Variants in DOCK2 observed in about 807,000 individuals in gnomAD.
The protein encoded by DOCK2 is dedicator of cytokinesis protein 2.
Under a neutral mutation model 248.9 loss-of-function variants are expected in DOCK2, and 87 were observed. The ratio of observed to expected loss-of-function variants is 0.35; its 90% CI spans 0.29 to 0.42. The LOEUF is 0.42. Ranked by LOEUF, DOCK2 falls within the 10% of genes least tolerant of loss-of-function variation. The pLI is 1.00. For synonymous variants in DOCK2, 805 were observed against 821.6 expected (o/e 0.98, Z 0.35); for missense variants, 1,747 against 2,300.2 (o/e 0.76, Z 4.92).
At chr5:169,676,654 G>A (rs1205936853) in intron 6 of DOCK2, among the ~76,000 whole-genome samples, 1 of 148,898 alleles carries the variant, frequency 6.7e-6, no homozygotes, top group Admixed American at 6.6e-5. Flanking sequence ...CCCAGCGTCT[G>A]GGCCAAGTGT....
intron 27 of DOCK2, among the ~76,000 whole-genome samples, chr5:169,843,562 G>A (rs1207983026): frequency 6.6e-6 from 1 of 152,170 alleles, no homozygotes; most frequent in Non-Finnish European, 1.5e-5. Context: ...CAGTTTTATT[G>A]AAGTATAGTT....
chr5:169,934,954 C>T, intron 27 of DOCK2: 1 of 290,004 alleles, frequency 3.4e-6, no homozygotes, highest in Non-Finnish European at 6.8e-6. Context: ...TTGTGCTATG[C>T]TGGATACAAT....
At chr5:169,808,421 A>C (rs1464565854) in intron 26 of DOCK2, among the ~76,000 whole-genome samples, 1 of 151,610 alleles carries the variant, frequency 6.6e-6, no homozygotes, top group African/African-American at 2.4e-5. Flanking sequence ...CCTGGGTGTC[A>C]TGGTAGGACT....
intron 2 of DOCK2, among the ~76,000 whole-genome samples, chr5:169,660,256 C>T (rs1758367230): frequency 6.6e-6 from 1 of 152,122 alleles, no homozygotes; most frequent in African/African-American, 2.4e-5. Flanking sequence ...ATTGCTTGAG[C>T]CCAGGAGTTC....
At chr5:169,908,155 C>T (rs1051406973) in intron 27 of DOCK2, among the ~76,000 whole-genome samples, 3 of 152,130 alleles carry the variant, frequency 2.0e-5, no homozygotes, top group African/African-American at 7.2e-5. Context: ...TCACTAATGC[C>T]AGAAAGGAAT....
At chr5:169,812,656 G>A (rs1049182734) in intron 26 of DOCK2, among the ~76,000 whole-genome samples, 1 of 152,218 alleles carries the variant, frequency 6.6e-6, no homozygotes, top group Non-Finnish European at 1.5e-5. Context: ...AAGAACACCT[G>A]TGAAAACATC....
Position 169,792,451 on chromosome 5 carries a change from A to ATGTGTGTGTGTG in DOCK2, c.2555-10598_2555-10587dup, listed in dbSNP as rs56969878. On this transcript the variant is annotated intron_variant, in intron 25 of 51. Coordinates refer to ENST00000520908, the MANE Select transcript of DOCK2 (RefSeq NM_004946.3). Reference sequence around the variant, plus strand: ...GTATATGTGTACATATATTTTATATATGTGTGTGTGTGTGTGTGTGCATAT... The same window carrying ATGTGTGTGTGTG: ...GTATATGTGTACATATATTTTATATATGTGTGTGTGTGTGTGTGTGTGTGTGTGTGTGCATAT... 1.4e-3 allele frequency among the ~76,000 whole-genome samples: 216 copies of ATGTGTGTGTGTG among 149,310 alleles called. 2 individuals carry two copies. Among genetic ancestry groups the ATGTGTGTGTGTG allele is most frequent in the East Asian group, 0.012 (59 of 5,080 alleles).
At chr5:170,071,838 C>T (rs966311951) in intron 46 of DOCK2, among the ~76,000 whole-genome samples, 2 of 152,138 alleles carry the variant, frequency 1.3e-5, no homozygotes, top group Non-Finnish European at 2.9e-5. Context: ...TAATTTTGAC[C>T]TACATATAAA....
chr5:169,896,350 A>G (rs1028396056), intron 27 of DOCK2, among the ~76,000 whole-genome samples: 15 of 152,264 alleles, frequency 9.9e-5, no homozygotes, highest in African/African-American at 3.4e-4. Flanking sequence ...GTAGTGTGGC[A>G]TGGTGGACAA....
At position 169,947,713 on chromosome 5, in the gene DOCK2, G is replaced by A. The variant is rs578149825; in HGVS notation, c.2800-35355G>A. 5.3e-5 allele frequency among the ~76,000 whole-genome samples: 8 copies of A among 152,220 alleles called. No homozygotes were observed. In the South Asian group the frequency reaches 1.2e-3, roughly 24 times the overall value. On this transcript the variant is annotated intron_variant, in intron 27 of 51. Coordinates refer to ENST00000520908, the MANE Select transcript of DOCK2 (RefSeq NM_004946.3). ...CCTGCTTTAGGGTGAAGGGAATGGC[G>A]GGCTGTCAGCATGCATGTATTGTTC... is the stretch of plus-strand genomic sequence containing the variant.
chr5:169,883,944 C>T, intron 27 of DOCK2: 2 of 1,439,190 alleles, frequency 1.4e-6, no homozygotes, highest in South Asian at 3.0e-5. Flanking sequence ...CTCCTAGGCA[C>T]ATCTCCCCTT....
chr5:169,693,256 G>A (rs999880871), intron 9 of DOCK2, among the ~76,000 whole-genome samples: 5 of 152,206 alleles, frequency 3.3e-5, no homozygotes, highest in African/African-American at 7.2e-5. Flanking sequence ...AAGTGTGGGA[G>A]CAGGGTGGTT....
At chr5:169,678,355 C>T (rs1214608850) in intron 6 of DOCK2, among the ~76,000 whole-genome samples, 1 of 151,914 alleles carries the variant, frequency 6.6e-6, no homozygotes, top group African/African-American at 2.4e-5. Context: ...CATCCGCCTC[C>T]CAGGTTCAAG....
chr5:169,896,130 A>C (rs1422835079), intron 27 of DOCK2, among the ~76,000 whole-genome samples: 1 of 148,786 alleles, frequency 6.7e-6, no homozygotes, highest in African/African-American at 2.5e-5. Context: ...GAGCTCCCAG[A>C]GCGTGCAGGC....
chr5:170,071,932 A>G (rs972582858), intron 46 of DOCK2, among the ~76,000 whole-genome samples: 6 of 152,190 alleles, frequency 3.9e-5, no homozygotes, highest in Non-Finnish European at 7.4e-5. Flanking sequence ...TTTGTTTATG[A>G]GTCATAACTA....
rs192891691 is a variant in DOCK2 at position 169,856,277 on chromosome 5, G to T, written c.2799+15425G>T. ...TGGGGTGAATCAGAAAAAGACACCT[G>T]CTTATTGTCAGAAGCTGCCCACCAG... On this transcript the variant is annotated intron_variant, in intron 27 of 51. Transcript: ENST00000520908. 2.0e-3 allele frequency among the ~76,000 whole-genome samples: 300 copies of T among 152,304 alleles called. No homozygotes were observed. In the Middle Eastern group the frequency reaches 0.024, roughly 12 times the overall value.
chr5:170,051,233 C>T (rs1756904024), intron 41 of DOCK2, among the ~76,000 whole-genome samples: 3 of 152,132 alleles, frequency 2.0e-5, no homozygotes, highest in Admixed American at 2.0e-4. Context: ...CGCCATATTG[C>T]CATCATAATA....
intron 26 of DOCK2, among the ~76,000 whole-genome samples, chr5:169,814,294 A>G (rs174412): frequency 0.46 from 69,516 of 152,002 alleles, 16,748 homozygotes; most frequent in African/African-American, 0.62. Flanking sequence ...TGGGAATCTT[A>G]CCAAAAATGT....
chr5:170,077,954 T>A, intron 48 of DOCK2, 117 bp downstream of exon 48: 1 of 872,544 alleles, frequency 1.1e-6, no homozygotes, highest in Non-Finnish European at 1.7e-6. Flanking sequence ...CCTTTCAGTT[T>A]AAAAGCCTTT....
Sources: allele counts gnomAD v4.1 joint callset (sites outside exome capture counted in the v4.1 genomes callset), GRCh38; gene constraint gnomAD v4.1.1; transcripts MANE v1.5; gene names NCBI Gene and HGNC (gene_info 2026-07-23, HGNC 2026-07-21).